Variants in NUP107 observed in about 807,000 individuals in gnomAD.
NUP107 encodes nucleoporin 107.
NUP107 carries 101 observed loss-of-function variants against 141.0 expected under a neutral mutation model. That is an observed-to-expected ratio of 0.72 (90% confidence interval 0.61 to 0.84). The LOEUF (loss-of-function observed/expected upper bound fraction) is 0.84. Among genes scored for constraint, NUP107 ranks in the 40% least tolerant of loss-of-function variants. NUP107 has a pLI of 0.00. For missense variants in NUP107, 941 were observed against 1,102.7 expected (o/e 0.85, Z 2.08); for synonymous variants, 319 against 363.9 (o/e 0.88, Z 1.41).
Position 68,726,550 on chromosome 12 carries a change from C to T in NUP107, c.1628C>T (p.Pro543Leu). 6.2e-7 allele frequency: 1 copy of T among 1,614,014 alleles called. No individual in the cohort carries two copies. Among genetic ancestry groups the T allele is most frequent in the Non-Finnish European group, 8.5e-7 (1 of 1,179,966 alleles). Residue 543 changes from proline (P) to leucine (L), a missense_variant, in exon 19 of 28, where the codon CCT becomes CTT. Pro to Leu is a moderately conservative substitution (Grantham distance 98). Transcript: ENST00000229179. The part of the protein sequence containing the change: ...KWLSKSRNNL[P>L]GHLLRFMTHL... ...CTTTCCAAAAGCAGAAACAATCTAC[C>T]TGGACACCTGCTTCGCTTTATGACT...
intron 8 of NUP107, chr12:68,707,065 C>G (rs2136014897): frequency 1.7e-6 from 1 of 578,830 alleles, no homozygotes; most frequent in Middle Eastern, 4.7e-4. Flanking sequence ...ATGTACTGAC[C>G]AAGTGAACAG....
chr12:68,724,429 C>G (rs904402189), intron 17 of NUP107, among the ~76,000 whole-genome samples: 1 of 152,008 alleles, frequency 6.6e-6, no homozygotes, highest in Non-Finnish European at 1.5e-5. Context: ...GGTATTACTT[C>G]TGGACAGAAA....
intron 8 of NUP107, chr12:68,705,798 C>T: frequency 2.6e-6 from 2 of 760,392 alleles, no homozygotes; most frequent in African/African-American, 1.7e-5. Flanking sequence ...GAGACTTTGG[C>T]AGGGCCAGTG....
At chr12:68,732,418 G>A (rs562537183) in intron 22 of NUP107, among the ~76,000 whole-genome samples, 1 of 152,172 alleles carries the variant, frequency 6.6e-6, no homozygotes, top group Non-Finnish European at 1.5e-5. Flanking sequence ...TTACGGGTGT[G>A]AGCCAGCATG....
chr12:68,717,483 T>C (rs1234518471), intron 12 of NUP107, among the ~76,000 whole-genome samples: 1 of 151,480 alleles, frequency 6.6e-6, no homozygotes, highest in Admixed American at 6.6e-5. Context: ...ACATTATTGA[T>C]TTTGTGAATC....
intron 26 of NUP107, among the ~76,000 whole-genome samples, chr12:68,735,613 A>G (rs1041495644): frequency 2.6e-5 from 4 of 152,206 alleles, no homozygotes; most frequent in Non-Finnish European, 5.9e-5. Flanking sequence ...TTAATTATAC[A>G]TGTATGTCAC....
At chr12:68,721,260 T>C (rs1877337413) in intron 15 of NUP107, 83 bp downstream of exon 15, 2 of 896,210 alleles carry the variant, frequency 2.2e-6, no homozygotes, top group South Asian at 1.5e-5. Context: ...ATAACAAATA[T>C]AAACTTAAGT....
intron 6 of NUP107, among the ~76,000 whole-genome samples, chr12:68,697,433 T>C (rs1209673261): frequency 1.6e-5 from 2 of 122,326 alleles, no homozygotes; most frequent in Non-Finnish European, 3.2e-5. Context: ...AAGGAAAATC[T>C]AAAATATACG....
chr12:68,745,615 T>C lies in NUP107; in HGVS notation c.*3153T>C, dbSNP rs1229909732. ...CAGGTTGTACGTTTTTTTCTCGAGTTGTAAGTGAACACAGTAGCACTCGTT... is the reference window on the plus strand; with the variant it reads ...CAGGTTGTACGTTTTTTTCTCGAGTCGTAAGTGAACACAGTAGCACTCGTT... On this transcript the variant is annotated 3_prime_UTR_variant, in exon 28 of 28. Coordinates refer to ENST00000229179, the MANE Select transcript of NUP107 (RefSeq NM_020401.4). 6.6e-6 allele frequency: 1 copy of C among 152,196 alleles called. No individual in the cohort carries two copies. The highest frequency in any genetic ancestry group is 1.5e-5 in the Non-Finnish European group (1 of 68,050). 9.4% of individuals were successfully genotyped at this position (152,196 alleles called of 1,614,324 possible). A position where few individuals can be genotyped will look rare whatever the true frequency, so the allele number is the denominator to read the frequency against.
chr12:68,706,847 A>G (rs899120234), intron 8 of NUP107: 8 of 757,944 alleles, frequency 1.1e-5, no homozygotes, highest in African/African-American at 1.0e-4. Flanking sequence ...GATGCAGAAC[A>G]TGAGTATCCA....
chr12:68,708,065 C>T (rs1876680021), intron 8 of NUP107, among the ~76,000 whole-genome samples: 1 of 152,058 alleles, frequency 6.6e-6, no homozygotes, highest in African/African-American at 2.4e-5. Flanking sequence ...GCACTCCAGC[C>T]TGGATGACAG....
At chr12:68,706,875 G>C (rs1876608682) in intron 8 of NUP107, 1 of 754,306 alleles carries the variant, frequency 1.3e-6, no homozygotes, top group African/African-American at 1.7e-5. Flanking sequence ...ACCACCAGCG[G>C]CTATTCAGGT....
chr12:68,738,542 G>C (rs1390951867), intron 26 of NUP107, among the ~76,000 whole-genome samples: 4 of 152,190 alleles, frequency 2.6e-5, no homozygotes, highest in Non-Finnish European at 5.9e-5. Context: ...ACACAGGCTA[G>C]ATTTCAGCCC....
At chr12:68,701,347 G>T (rs1361682256) in intron 7 of NUP107, among the ~76,000 whole-genome samples, 1 of 152,100 alleles carries the variant, frequency 6.6e-6, no homozygotes, top group Non-Finnish European at 1.5e-5. Context: ...ATGAATTACA[G>T]CAGCTCTGTT....
chr12:68,702,669 G>A, intron 7 of NUP107, 67 bp from the exon 8 acceptor site: 1 of 1,085,576 alleles, frequency 9.2e-7, no homozygotes. Context: ...TCTCTCAGAT[G>A]CTCAGTGGCA....
chr12:68,739,180 C>G (rs763005279), intron 26 of NUP107, among the ~76,000 whole-genome samples: 8 of 152,196 alleles, frequency 5.3e-5, no homozygotes, highest in Non-Finnish European at 1.5e-5. Flanking sequence ...TTTAAAATAG[C>G]ATGTATGCAT....
At chr12:68,733,019 G>A (rs1404903134) in intron 23 of NUP107, among the ~76,000 whole-genome samples, 1 of 152,042 alleles carries the variant, frequency 6.6e-6, no homozygotes, top group Non-Finnish European at 1.5e-5. Flanking sequence ...GTTCAAATTC[G>A]TGTATTTTTG....
rs140879239 is a variant in NUP107, at chr12:68,731,500, T to G, written c.1886-107T>G. 7,609 of 633,082 alleles carry G rather than the reference T, an allele frequency of 0.012. 61 individuals are homozygous for G. Among genetic ancestry groups the G allele is most frequent in the South Asian group, 0.02 (555 of 27,436 alleles). 39.2% of individuals were successfully genotyped at this position (633,082 alleles called of 1,614,324 possible). On this transcript the variant is annotated intron_variant, in intron 21 of 27. Coordinates refer to ENST00000229179, the MANE Select transcript of NUP107 (RefSeq NM_020401.4). ...TATCTTTCATATTTTACATATTTTA[T>G]TTTTAAGGAATTACTGTTCCAAATT...
chr12:68,691,193 C>T (rs1288044242), intron 4 of NUP107, among the ~76,000 whole-genome samples: 1 of 152,012 alleles, frequency 6.6e-6, no homozygotes, highest in Non-Finnish European at 1.5e-5. Context: ...AACTGAAAAC[C>T]TTATGCATCT....
Sources: gnomAD v4.1 joint callset for allele counts (sites outside exome capture counted in the v4.1 genomes callset) on GRCh38, gnomAD v4.1.1 for gene constraint, MANE v1.5 for transcripts, NCBI Gene and HGNC (gene_info 2026-07-23, HGNC 2026-07-21) for gene names.